Variants in PRMT9 observed in about 807,000 individuals in gnomAD.
PRMT9 encodes protein arginine methyltransferase 9, also known as protein arginine N-methyltransferase 9.
PRMT9 carries 59 observed loss-of-function variants against 83.2 expected under a neutral mutation model. The observed-to-expected ratio is 0.71, with a 90% confidence interval of 0.57 to 0.88. The LOEUF is 0.88. Ranked by LOEUF, PRMT9 falls within the 40% of genes least tolerant of loss-of-function variation. PRMT9 has a pLI of 0.00. For missense variants in PRMT9, 947 were observed against 1,021.9 expected (o/e 0.93, Z 1.00); for synonymous variants, 333 against 353.2 (o/e 0.94, Z 0.64).
At chr4:147,654,595 AT>A (rs1734359829) in intron 8 of PRMT9, 29 bp from the exon 9 acceptor site, 1 of 1,414,670 alleles carries the variant, frequency 7.1e-7, no homozygotes, top group Non-Finnish European at 1.0e-6. Flanking sequence ...AAGAAAAAAA[AT>A]ATGGAGTACT....
intron 10 of PRMT9, among the ~76,000 whole-genome samples, chr4:147,640,754 T>C (rs1487776784): frequency 6.6e-6 from 1 of 152,200 alleles, no homozygotes; most frequent in African/African-American, 2.4e-5. Context: ...GGGTCAGTCT[T>C]GCTGTTGCCC....
chr4:147,638,268 TC>T lies in PRMT9; in HGVS notation c.*263del, dbSNP rs1578867092. The T allele has an allele frequency of 1.1e-5, 5 of 459,472 alleles. No homozygotes were observed. In the East Asian group the frequency reaches 1.7e-4, roughly 16 times the overall value. The allele number at this position is 459,472 out of a possible 1,614,324, so 28.5% of individuals were successfully genotyped here. A position where few individuals can be genotyped will look rare whatever the true frequency, so the allele number is the denominator to read the frequency against. On this transcript the variant is annotated 3_prime_UTR_variant, in exon 12 of 12. Coordinates refer to ENST00000322396, the MANE Select transcript of PRMT9 (RefSeq NM_138364.4). The stretch of plus-strand genomic sequence containing the variant: ...GTCAATAACGATAAGACTTTTAAAA[TC>T]CCTATTCTGTAAAATCGAGCAAAAG...
At chr4:147,672,831 A>G in intron 4 of PRMT9, 128 bp downstream of exon 4, 1 of 609,236 alleles carries the variant, frequency 1.6e-6, no homozygotes, top group South Asian at 2.2e-5. Context: ...AAACTATCTT[A>G]TCCTATATCC....
chr4:147,675,269 C>T (rs1044587200), intron 2 of PRMT9, among the ~76,000 whole-genome samples: 3 of 152,094 alleles, frequency 2.0e-5, no homozygotes, highest in African/African-American at 2.4e-5. Flanking sequence ...CGTGAGCCAC[C>T]GTGCCCAGCT....
chr4:147,679,116 CA>C (rs1211622212), intron 2 of PRMT9, among the ~76,000 whole-genome samples: 2 of 152,188 alleles, frequency 1.3e-5, no homozygotes, highest in African/African-American at 4.8e-5. Flanking sequence ...CCAGTTGGCA[CA>C]AGGGTAAGCT....
intron 9 of PRMT9, among the ~76,000 whole-genome samples, chr4:147,652,869 T>G (rs1382837726): frequency 1.3e-5 from 2 of 152,104 alleles, no homozygotes; most frequent in African/African-American, 4.8e-5. Context: ...TTCATGTTAG[T>G]GAGAGCCAGG....
chr4:147,678,008 G>A (rs1441620827), intron 2 of PRMT9, among the ~76,000 whole-genome samples: 2 of 151,960 alleles, frequency 1.3e-5, no homozygotes, highest in Admixed American at 1.3e-4. Context: ...ATAATACTGA[G>A]TTGATTGCTC....
rs1733844229 is a variant in PRMT9, at chr4:147,648,063, TATA to T, written c.2046-5126_2046-5124del. 2.0e-5 allele frequency among the ~76,000 whole-genome samples: 3 copies of T among 152,204 alleles called. No homozygotes were observed. The South Asian group carries it at 6.2e-4, about 32-fold the overall frequency. On this transcript the variant is annotated intron_variant, in intron 9 of 11. Coordinates refer to ENST00000322396, the MANE Select transcript of PRMT9 (RefSeq NM_138364.4). ...CATAGGGCAAATATGATATTGTGAT[TATA>T]ATAAGATACATATATATCTGGTCTT...
chr4:147,658,074 C>T, intron 7 of PRMT9, 99 bp from the exon 8 acceptor site: 1 of 829,334 alleles, frequency 1.2e-6, no homozygotes, highest in Non-Finnish European at 2.0e-6. Context: ...TTAGTCCTGC[C>T]CAGCTCCCTT....
chr4:147,655,406 T>C (rs1578897065), intron 8 of PRMT9, among the ~76,000 whole-genome samples: 2 of 152,152 alleles, frequency 1.3e-5, no homozygotes, highest in African/African-American at 4.8e-5. Context: ...CAAGTGTTCC[T>C]CTTGCCTCAG....
chr4:147,642,372 G>C (rs1733459702), intron 10 of PRMT9, among the ~76,000 whole-genome samples: 1 of 151,850 alleles, frequency 6.6e-6, no homozygotes, highest in African/African-American at 2.4e-5. Flanking sequence ...CAGAGGAGCT[G>C]GGATTGCAGG....
At chr4:147,668,440 G>A in intron 6 of PRMT9, 99 bp downstream of exon 6, 2 of 772,204 alleles carry the variant, frequency 2.6e-6, no homozygotes, top group South Asian at 2.9e-5. Context: ...GGCCTCCTCA[G>A]CATTCAGAAC....
intron 6 of PRMT9, 82 bp from the exon 7 acceptor site, chr4:147,661,120 A>G: frequency 2.3e-6 from 2 of 861,646 alleles, no homozygotes; most frequent in South Asian, 1.4e-5. Context: ...GAGTCCAGAA[A>G]AAAATACAAA....
rs1023033992 is a variant in PRMT9 at position 147,681,509 on chromosome 4, G to A, written c.190-1038C>T. 3.9e-5 allele frequency among the ~76,000 whole-genome samples: 6 copies of A among 152,326 alleles called. No homozygotes were observed. In the South Asian group the frequency reaches 8.3e-4, roughly 21 times the overall value. On this transcript the variant is annotated intron_variant, in intron 1 of 11. Coordinates refer to ENST00000322396, the MANE Select transcript of PRMT9 (RefSeq NM_138364.4). The stretch of plus-strand genomic sequence containing the variant: ...AAGGATAAGAAAGGAGATTCTGGCC[G>A]GGCACGGTGGCTCATGCCTGTAATC...
intron 10 of PRMT9, 84 bp downstream of exon 10, chr4:147,642,703 A>G: frequency 8.6e-7 from 1 of 1,165,718 alleles, no homozygotes; most frequent in Non-Finnish European, 1.3e-6. Context: ...CACTGTGTTT[A>G]GCTAGATTAA....
At chr4:147,671,207 C>T (rs903613996) in intron 4 of PRMT9, among the ~76,000 whole-genome samples, 2 of 152,096 alleles carry the variant, frequency 1.3e-5, no homozygotes, top group African/African-American at 4.8e-5. Context: ...ATTTTTTTAT[C>T]TCCAAATAAC....
Position 147,679,321 on chromosome 4 carries a change from G to A in PRMT9, c.338+1002C>T, listed in dbSNP as rs79337076. On this transcript the variant is annotated intron_variant, in intron 2 of 11. Transcript: ENST00000322396. ...TGTGGTGGCATGTACTGCAATTCCA[G>A]CTACTGGAGTGCAGGTGGGGGCGCT... Among the ~76,000 whole-genome samples the A allele has an allele frequency of 8.5e-3, 1,300 of 152,178 alleles. 20 individuals are homozygous for A. The highest frequency in any genetic ancestry group is 0.03 in the African/African-American group (1,242 of 41,524).
chr4:147,654,991 T>C (rs1431999641), intron 8 of PRMT9, among the ~76,000 whole-genome samples: 1 of 152,180 alleles, frequency 6.6e-6, no homozygotes, highest in African/African-American at 2.4e-5. Context: ...GGGACATTCT[T>C]TAAGAGAAAT....
chr4:147,661,077 AT>A, intron 6 of PRMT9, 39 bp from the exon 7 acceptor site: 9 of 1,347,626 alleles, frequency 6.7e-6, no homozygotes, highest in African/African-American at 1.4e-5. Flanking sequence ...AGGAAGATGG[AT>A]TTTTTTAGAA....
Sources: allele counts gnomAD v4.1 joint callset (sites outside exome capture counted in the v4.1 genomes callset), GRCh38; gene constraint gnomAD v4.1.1; transcripts MANE v1.5; gene names NCBI Gene and HGNC (gene_info 2026-07-23, HGNC 2026-07-21).